The following LGR6 variants were observed in gnomAD, a reference collection of about 807,000 sequenced individuals.
LGR6 encodes the protein leucine rich repeat containing G protein-coupled receptor 6.
Under a neutral mutation model 69.4 loss-of-function variants are expected in LGR6, and 45 were observed. The observed-to-expected ratio is 0.65, with a 90% CI of 0.51 to 0.83. LGR6 has a LOEUF of 0.83. Ranked by LOEUF, LGR6 falls within the 40% of genes least tolerant of loss-of-function variation. LGR6 has a pLI of 0.00. For missense variants in LGR6, 1,108 were observed against 1,246.7 expected, an observed-to-expected ratio of 0.89 and a Z score of 1.68; for synonymous variants, 538 against 555.0, an observed-to-expected ratio of 0.97 and a Z score of 0.43.
rs1203571061 is a variant in LGR6, at chr1:202,318,553, C to T, written c.2250C>T (p.Ala750=). The T allele has an allele frequency of 6.2e-7, 1 of 1,614,158 alleles. No homozygotes were observed. The highest frequency in any genetic ancestry group is 8.5e-7 in the Non-Finnish European group (1 of 1,180,022). Residue 750 remains alanine (A), a synonymous_variant, in exon 18 of 18, where the codon GCC becomes GCT. Coordinates refer to ENST00000367278, the MANE Select transcript of LGR6 (RefSeq NM_001017403.2). ...TCTGTTTCCTGGTCGTGGCCGGTGC[C>T]TACATCAAACTGTACTGTGACCTGC... The part of the protein sequence containing the change: ...NSFCFLVVAG[A]YIKLYCDLPR...
chr1:202,318,389 C>A lies in LGR6; in HGVS notation c.2086C>A (p.Leu696Met). 6.2e-7 allele frequency: 1 copy of A among 1,603,050 alleles called. No individual in the cohort carries two copies. The change falls in exon 18 of 18, where the codon CTG becomes ATG. Residue 696 changes from leucine to methionine, a missense_variant. Leu to Met is a conservative substitution (Grantham distance 15, BLOSUM62 2). Coordinates refer to ENST00000367278, the MANE Select transcript of LGR6 (RefSeq NM_001017403.2). ...VRAGVLGCLA[L>M]AGLAAALPLA... The stretch of plus-strand genomic sequence containing the variant: ...AGCAGGGGTCCTAGGCTGCCTGGCA[C>A]TGGCAGGGCTGGCCGCCGCGCTGCC...
Position 202,213,554 on chromosome 1 carries a change from G to A in LGR6, c.213-11869G>A, listed in dbSNP as rs569361458. Among the ~76,000 whole-genome samples, 35 of 152,164 alleles carry A rather than the reference G, an allele frequency of 2.3e-4. No homozygotes were observed. In the South Asian group the frequency reaches 5.2e-3, roughly 23 times the overall value. ...CCTAAGGGCAGGGCTGACCCAGAAC[G>A]CCCTCCTCTACCCACAGCCTCCCCA... On this transcript the variant is annotated intron_variant, in intron 1 of 17. Coordinates refer to ENST00000367278, the MANE Select transcript of LGR6 (RefSeq NM_001017403.2).
chr1:202,227,569 G>A (rs12032080), intron 2 of LGR6, among the ~76,000 whole-genome samples: 46,702 of 151,946 alleles, frequency 0.31, 8,188 homozygotes, highest in Non-Finnish European at 0.4. Context: ...AGAGCAGGCG[G>A]TGGGTAATCC....
intron 1 of LGR6, among the ~76,000 whole-genome samples, chr1:202,200,278 G>C (rs1658794396): frequency 6.6e-6 from 1 of 152,272 alleles, no homozygotes; most frequent in Admixed American, 6.5e-5. Context: ...ACTGTCTGGA[G>C]AGTACAGCTT....
chr1:202,318,449 C>G lies in LGR6; in HGVS notation c.2146C>G (p.Leu716Val). ...AGTGGGAGAATACGGGGCCTCCCCA[C>G]TCTGCCTGCCCTACGCGCCACCTGA... ...ASVGEYGASP[L>V]CLPYAPPEGQ... The change falls in exon 18 of 18, where the codon CTC becomes GTC. Residue 716 changes from leucine (L) to valine (V), a missense_variant. By Grantham distance (32) the Leu-to-Val change is conservative. Transcript: ENST00000367278. 1 of 1,612,876 alleles carries G rather than the reference C, an allele frequency of 6.2e-7. No individual in the cohort carries two copies. Among genetic ancestry groups the G allele is most frequent in the Non-Finnish European group, 8.5e-7 (1 of 1,179,664 alleles).
chr1:202,212,086 T>G (rs1447898991), intron 1 of LGR6, among the ~76,000 whole-genome samples: 1 of 152,152 alleles, frequency 6.6e-6, no homozygotes, highest in African/African-American at 2.4e-5. Flanking sequence ...CAACCAGACA[T>G]GTTCTAGTTG....
At chr1:202,198,677 T>G (rs2361443) in intron 1 of LGR6, among the ~76,000 whole-genome samples, 28 of 20,988 alleles carry the variant, frequency 1.3e-3, no homozygotes, top group South Asian at 0.013. Flanking sequence ...GGTTTTTTTT[T>G]TTTTTTTTTT....
intron 4 of LGR6, among the ~76,000 whole-genome samples, chr1:202,272,040 T>A (rs902416359): frequency 6.6e-6 from 1 of 152,098 alleles, no homozygotes; most frequent in Non-Finnish European, 1.5e-5. Flanking sequence ...ATCTGTGTGA[T>A]GGCAAAGCCC....
At chr1:202,205,094 ACG>A (rs771926516) in intron 1 of LGR6, among the ~76,000 whole-genome samples, 21 of 22,848 alleles carry the variant, frequency 9.2e-4, no homozygotes, top group East Asian at 6.4e-3. Context: ...ACACACACAC[ACG>A]TACCTCCAAA....
At chr1:202,228,979 T>C (rs1360190269) in intron 3 of LGR6, among the ~76,000 whole-genome samples, 1 of 152,098 alleles carries the variant, frequency 6.6e-6, no homozygotes, top group African/African-American at 2.4e-5. Context: ...GAGCATCTGG[T>C]TAAGGAAGTG....
chr1:202,225,860 C>T (rs2924106), intron 2 of LGR6, among the ~76,000 whole-genome samples: 59,996 of 151,880 alleles, frequency 0.4, 12,777 homozygotes, highest in East Asian at 0.71. Flanking sequence ...ACCTCCACCC[C>T]GCTTCTCTAG....
rs558985593 is a variant in LGR6 at position 202,293,036 on chromosome 1, T to C, written c.717-4472T>C. On this transcript the variant is annotated intron_variant, in intron 6 of 17. Transcript: ENST00000367278. ...TTCCTCAACTGTCAAATGGGTATAA[T>C]AGCAGTAACTGCCTCTTGAGGCTGT... 5.9e-5 allele frequency among the ~76,000 whole-genome samples: 9 copies of C among 152,310 alleles called. 1 individual carries two copies. The South Asian group carries it at 1.9e-3, about 32-fold the overall frequency.
intron 14 of LGR6, among the ~76,000 whole-genome samples, chr1:202,308,384 G>T (rs558230667): frequency 6.6e-6 from 1 of 152,308 alleles, no homozygotes; most frequent in African/African-American, 2.4e-5. Context: ...ACAGCGAGTT[G>T]GTGACAGTGC....
At chr1:202,203,636 A>C in intron 1 of LGR6, 1 of 612,624 alleles carries the variant, frequency 1.6e-6, no homozygotes, top group Non-Finnish European at 2.9e-6. Flanking sequence ...CCTTGGAGAG[A>C]GAGATAAGAC....
chr1:202,239,332 TTGTGTGTGTGTGGTGTGTG>T (rs1397851470), intron 4 of LGR6, among the ~76,000 whole-genome samples: 2 of 139,634 alleles, frequency 1.4e-5, no homozygotes, highest in African/African-American at 5.5e-5. Context: ...CTGGCTGAAC[TTGTGTGTGTGTGGTGTGTG>T]TGTGTGTGTG....
intron 4 of LGR6, among the ~76,000 whole-genome samples, chr1:202,267,566 C>T (rs1449831787): frequency 6.6e-6 from 1 of 152,072 alleles, no homozygotes; most frequent in African/African-American, 2.4e-5. Flanking sequence ...TGGAGTCAGA[C>T]CAATGGCTTC....
At chr1:202,259,179 G>A (rs1035905255) in intron 4 of LGR6, among the ~76,000 whole-genome samples, 4 of 151,994 alleles carry the variant, frequency 2.6e-5, no homozygotes, top group African/African-American at 9.7e-5. Flanking sequence ...ATTACAATAT[G>A]TACATCCTAA....
intron 3 of LGR6, among the ~76,000 whole-genome samples, chr1:202,228,315 A>G (rs888284364): frequency 6.6e-6 from 1 of 152,246 alleles, no homozygotes; most frequent in Non-Finnish European, 1.5e-5. Flanking sequence ...GTTCAGTTAC[A>G]GACCCACAGG....
At chr1:202,289,578 T>A (rs1000003836) in intron 6 of LGR6, among the ~76,000 whole-genome samples, 1 of 152,232 alleles carries the variant, frequency 6.6e-6, no homozygotes, top group Non-Finnish European at 1.5e-5. Context: ...TCTGTGTCTC[T>A]CAATGGAAGC....
Sources: allele counts gnomAD v4.1 joint callset (sites outside exome capture counted in the v4.1 genomes callset), GRCh38; gene constraint gnomAD v4.1.1; transcripts MANE v1.5; gene names NCBI Gene and HGNC (gene_info 2026-07-23, HGNC 2026-07-21).